The following EIF4G3 variants were observed in gnomAD, a reference collection of about 807,000 sequenced individuals.
EIF4G3 encodes eukaryotic translation initiation factor 4 gamma 3, also known as eIF-4-gamma 3.
A neutral mutation model predicts 186.4 loss-of-function variants in EIF4G3; 34 were observed. That is an observed-to-expected ratio of 0.18 (90% confidence interval 0.14 to 0.24). The LOEUF (loss-of-function observed/expected upper bound fraction) is 0.24, where lower values mean the gene tolerates loss of function less well. Among genes scored for constraint, EIF4G3 ranks in the 10% least tolerant of loss-of-function variants. EIF4G3 has a pLI of 1.00. For missense variants in EIF4G3, 1,536 were observed against 1,948.5 expected, an observed-to-expected ratio of 0.79 and a Z score of 3.99; for synonymous variants, 673 against 679.5, an observed-to-expected ratio of 0.99 and a Z score of 0.15.
chr1:21,024,556 T>C (rs1256367258), intron 4 of EIF4G3, among the ~76,000 whole-genome samples: 6 of 150,208 alleles, frequency 4.0e-5, no homozygotes, highest in Admixed American at 3.3e-4. Context: ...AGAAAAATTC[T>C]TCTCCCTTGG....
chr1:20,894,394 T>C (rs2087192398), intron 17 of EIF4G3, among the ~76,000 whole-genome samples: 1 of 152,210 alleles, frequency 6.6e-6, no homozygotes, highest in Admixed American at 6.5e-5. Context: ...CATTCAGCTG[T>C]CCTCACATAA....
intron 3 of EIF4G3, among the ~76,000 whole-genome samples, chr1:21,067,263 G>A (rs1045711567): frequency 6.6e-6 from 1 of 150,996 alleles, no homozygotes; most frequent in African/African-American, 2.4e-5. Context: ...CTCCCGAACA[G>A]CTGGGATTAC....
chr1:20,941,158 G>T (rs2095696334), intron 14 of EIF4G3: 8 of 1,421,212 alleles, frequency 5.6e-6, no homozygotes, highest in Middle Eastern at 2.6e-4. Flanking sequence ...TTGTTTTCTA[G>T]CCCCAAAGCA....
intron 3 of EIF4G3, among the ~76,000 whole-genome samples, chr1:21,054,355 C>A (rs2094463159): frequency 7.8e-6 from 1 of 128,536 alleles, no homozygotes; most frequent in Admixed American, 8.4e-5. Context: ...GGTCCTCTGC[C>A]TAGGAAAACC....
At chr1:20,841,731 C>T (rs371390888) in intron 29 of EIF4G3, among the ~76,000 whole-genome samples, 8 of 152,324 alleles carry the variant, frequency 5.3e-5, no homozygotes, top group East Asian at 1.9e-4. Context: ...GGGTGAAAGT[C>T]GGTCAGCCAG....
chr1:20,820,162 C>T (rs1424094159), intron 33 of EIF4G3, among the ~76,000 whole-genome samples: 2 of 151,846 alleles, frequency 1.3e-5, no homozygotes, highest in African/African-American at 2.4e-5. Context: ...GCTGTGGATT[C>T]GAGCCTTTCT....
intron 29 of EIF4G3, among the ~76,000 whole-genome samples, chr1:20,845,117 T>G (rs1297292319): frequency 6.6e-6 from 1 of 152,220 alleles, no homozygotes; most frequent in Non-Finnish European, 1.5e-5. Flanking sequence ...TTAATCCATC[T>G]TTAGTTGATT....
intron 6 of EIF4G3, chr1:20,998,804 T>C (rs2082859180): frequency 9.7e-6 from 4 of 413,506 alleles, no homozygotes; most frequent in South Asian, 7.1e-5. Context: ...TAAAAGAAAA[T>C]ATTTAGAAAG....
At chr1:20,846,555 G>A (rs916606982) in intron 29 of EIF4G3, among the ~76,000 whole-genome samples, 3 of 151,918 alleles carry the variant, frequency 2.0e-5, no homozygotes, top group African/African-American at 7.3e-5. Flanking sequence ...CATTTTTTTG[G>A]TAGCTACTGT....
intron 4 of EIF4G3, among the ~76,000 whole-genome samples, chr1:21,025,571 T>A (rs1047219647): frequency 2.0e-5 from 3 of 152,212 alleles, no homozygotes; most frequent in Admixed American, 1.3e-4. Context: ...TGGTGAAGAA[T>A]GCTTACAGAA....
chr1:20,820,019 G>C (rs553152834), intron 33 of EIF4G3, among the ~76,000 whole-genome samples: 2 of 152,102 alleles, frequency 1.3e-5, no homozygotes, highest in African/African-American at 4.8e-5. Flanking sequence ...GCATGGAGCC[G>C]GTGGGAGCCC....
chr1:21,142,058 A>C (rs1042149310), intron 2 of EIF4G3, among the ~76,000 whole-genome samples: 2 of 152,124 alleles, frequency 1.3e-5, no homozygotes, highest in African/African-American at 4.8e-5. Flanking sequence ...AGTCATTTCC[A>C]AAAAAATGGA....
chr1:21,081,817 A>G (rs574651579), intron 3 of EIF4G3, among the ~76,000 whole-genome samples: 1 of 151,870 alleles, frequency 6.6e-6, no homozygotes, highest in South Asian at 2.1e-4. Context: ...AATTTTTTGT[A>G]TTTTTAGTAG....
chr1:20,857,130 T>C (rs1031465556), intron 25 of EIF4G3, among the ~76,000 whole-genome samples: 7 of 114,508 alleles, frequency 6.1e-5, no homozygotes, highest in Non-Finnish European at 9.8e-5. Flanking sequence ...GCCACTGCAC[T>C]CCAGCCTGGG....
chr1:20,849,954 C>A (rs771235711), intron 28 of EIF4G3, among the ~76,000 whole-genome samples: 1 of 152,110 alleles, frequency 6.6e-6, no homozygotes, highest in Non-Finnish European at 1.5e-5. Flanking sequence ...GTAATCCTGT[C>A]TGGAGTGCTC....
At chr1:20,888,637 T>C (rs773916865) in intron 18 of EIF4G3, among the ~76,000 whole-genome samples, 9 of 152,148 alleles carry the variant, frequency 5.9e-5, no homozygotes, top group Admixed American at 5.2e-4. Context: ...GGCAAGTCTC[T>C]TAGTTTTGTT....
chr1:20,902,669 C>G (rs1015865249), intron 15 of EIF4G3, among the ~76,000 whole-genome samples: 9 of 152,150 alleles, frequency 5.9e-5, no homozygotes, highest in African/African-American at 2.2e-4. Context: ...GAGACAGAGT[C>G]TCGTTCTGTT....
intron 3 of EIF4G3, among the ~76,000 whole-genome samples, chr1:21,063,207 C>T (rs941549828): frequency 3.9e-5 from 6 of 152,060 alleles, no homozygotes; most frequent in African/African-American, 7.3e-5. Flanking sequence ...GCACATGCTA[C>T]GACGCCCGGC....
At chr1:20,857,535 C>T in intron 24 of EIF4G3, 38 bp from the exon 25 acceptor site, 2 of 1,539,112 alleles carry the variant, frequency 1.3e-6, no homozygotes, top group Non-Finnish European at 1.8e-6. Context: ...TCATCTGTCT[C>T]AAGTCAGTTT....
Sources: allele counts gnomAD v4.1 joint callset (sites outside exome capture counted in the v4.1 genomes callset), GRCh38; gene constraint gnomAD v4.1.1; transcripts MANE v1.5; gene names NCBI Gene and HGNC (gene_info 2026-07-23, HGNC 2026-07-21).